LEKR1: variants seen among roughly 807,000 people sequenced by gnomAD.
LEKR1 encodes the protein leucine, glutamate and lysine rich 1, also known as protein LEKR1.
In LEKR1, 59 loss-of-function variants were observed where a neutral mutation model predicts 72.4. That is an observed-to-expected ratio of 0.82 (90% CI 0.66 to 1.01). The LOEUF is 1.01. Among genes scored for constraint, LEKR1 ranks in the 50% least tolerant of loss-of-function variants. The pLI is 0.00. For synonymous variants in LEKR1, 257 were observed against 263.2 expected (o/e 0.98, Z 0.23); for missense variants, 728 against 759.2 (o/e 0.96, Z 0.48).
At chr3:156,874,572 A>G (rs780864681) in intron 3 of LEKR1, among the ~76,000 whole-genome samples, 1 of 151,950 alleles carries the variant, frequency 6.6e-6, no homozygotes. Context: ...TTGGAGCACA[A>G]GTGGTTTTTT....
At chr3:156,847,290 T>C (rs928338055) in intron 2 of LEKR1, among the ~76,000 whole-genome samples, 6 of 152,242 alleles carry the variant, frequency 3.9e-5, no homozygotes, top group African/African-American at 1.4e-4. Context: ...GAACACTGCA[T>C]TTGAGAAGTT....
intron 3 of LEKR1, among the ~76,000 whole-genome samples, chr3:156,913,853 T>C (rs892597834): frequency 6.6e-6 from 1 of 152,210 alleles, no homozygotes; most frequent in African/African-American, 2.4e-5. Context: ...ACACAGAAGC[T>C]TATAGGCAGC....
intron 6 of LEKR1, among the ~76,000 whole-genome samples, chr3:156,954,665 G>A (rs1727458808): frequency 6.6e-6 from 1 of 152,056 alleles, no homozygotes; most frequent in Non-Finnish European, 1.5e-5. Context: ...ATCAGAGGTT[G>A]TAGGTGTGCT....
chr3:156,956,107 G>C (rs2107979929), intron 6 of LEKR1, among the ~76,000 whole-genome samples: 1 of 152,014 alleles, frequency 6.6e-6, no homozygotes, highest in East Asian at 1.9e-4. Context: ...ATATCTAAGA[G>C]GGTGGAAGAA....
At chr3:156,934,749 A>G (rs1725543962) in intron 5 of LEKR1, among the ~76,000 whole-genome samples, 1 of 152,186 alleles carries the variant, frequency 6.6e-6, no homozygotes, top group African/African-American at 2.4e-5. Context: ...ATCATGACAC[A>G]GAGATAACTG....
intron 6 of LEKR1, among the ~76,000 whole-genome samples, chr3:156,969,368 C>A (rs967431576): frequency 3.3e-5 from 5 of 152,026 alleles, no homozygotes; most frequent in Non-Finnish European, 5.9e-5. Flanking sequence ...AATTGATAGA[C>A]CCCTAGCAAG....
At chr3:156,936,156 G>T (rs1436127046) in intron 5 of LEKR1, among the ~76,000 whole-genome samples, 6 of 151,938 alleles carry the variant, frequency 3.9e-5, no homozygotes, top group Admixed American at 3.9e-4. Flanking sequence ...TAGAACTCTT[G>T]GCAGAAATCA....
At chr3:156,849,705 A>G (rs1169057276) in intron 2 of LEKR1, among the ~76,000 whole-genome samples, 1 of 152,242 alleles carries the variant, frequency 6.6e-6, no homozygotes, top group Non-Finnish European at 1.5e-5. Flanking sequence ...GGCCAGCCAT[A>G]TGTAGAAAGC....
At chr3:156,984,820 A>G (rs1730535969) in intron 7 of LEKR1, among the ~76,000 whole-genome samples, 1 of 152,004 alleles carries the variant, frequency 6.6e-6, no homozygotes, top group Admixed American at 6.6e-5. Context: ...TTTAACTGAT[A>G]ATTTGAACAA....
chr3:156,884,196 G>C (rs1404817490), intron 3 of LEKR1, among the ~76,000 whole-genome samples: 1 of 152,184 alleles, frequency 6.6e-6, no homozygotes, highest in Non-Finnish European at 1.5e-5. Context: ...GAAGACAGCA[G>C]ATACTTGGTT....
intron 10 of LEKR1, among the ~76,000 whole-genome samples, chr3:157,015,326 T>C (rs1489955680): frequency 6.6e-6 from 1 of 152,102 alleles, no homozygotes; most frequent in Non-Finnish European, 1.5e-5. Context: ...AATGTGTACA[T>C]GTGGGAAAAT....
intron 3 of LEKR1, among the ~76,000 whole-genome samples, chr3:156,860,823 A>G (rs1202305886): frequency 6.6e-6 from 1 of 152,286 alleles, no homozygotes; most frequent in East Asian, 1.9e-4. Flanking sequence ...CAGGAACTCA[A>G]TCCCTTTCTA....
chr3:157,024,415 C>T (rs539378844), intron 10 of LEKR1, among the ~76,000 whole-genome samples: 1 of 152,292 alleles, frequency 6.6e-6, no homozygotes, highest in African/African-American at 2.4e-5. Flanking sequence ...CCCTCAAAAT[C>T]TGCTTAAAAA....
At chr3:156,881,857 A>G (rs1381336178) in intron 3 of LEKR1, among the ~76,000 whole-genome samples, 2 of 143,380 alleles carry the variant, frequency 1.4e-5, no homozygotes, top group African/African-American at 5.2e-5. Context: ...CATATCTACA[A>G]CTATCTGATC....
intron 6 of LEKR1, among the ~76,000 whole-genome samples, chr3:156,955,958 TA>T (rs34940582): frequency 0.74 from 108,874 of 147,288 alleles, 40,064 homozygotes; most frequent in South Asian, 0.84. Flanking sequence ...GTAGAATAGT[TA>T]AAAAAAAAAA....
intron 9 of LEKR1, among the ~76,000 whole-genome samples, chr3:157,008,014 G>A (rs976283345): frequency 3.9e-5 from 6 of 152,210 alleles, no homozygotes; most frequent in African/African-American, 1.4e-4. Context: ...ATATTTGGAA[G>A]AAAGCCCTGA....
intron 3 of LEKR1, among the ~76,000 whole-genome samples, chr3:156,879,587 G>A (rs1471048798): frequency 1.3e-5 from 2 of 152,190 alleles, no homozygotes; most frequent in Non-Finnish European, 2.9e-5. Flanking sequence ...TAAGTAATGA[G>A]GAGCCAAATG....
chr3:157,043,476 G>A (rs1212849713), intron 12 of LEKR1, among the ~76,000 whole-genome samples: 3 of 150,886 alleles, frequency 2.0e-5, no homozygotes, highest in Non-Finnish European at 4.4e-5. Flanking sequence ...TCAGTGTCCT[G>A]GGAACAAAAT....
At chr3:156,973,090 G>A (rs1032117978) in intron 6 of LEKR1, among the ~76,000 whole-genome samples, 1 of 151,752 alleles carries the variant, frequency 6.6e-6, no homozygotes, top group East Asian at 1.9e-4. Context: ...ACTATTTTTT[G>A]TTTCATGTAC....
Sources: allele counts gnomAD v4.1 joint callset (sites outside exome capture counted in the v4.1 genomes callset), GRCh38; gene constraint gnomAD v4.1.1; transcripts MANE v1.5; gene names NCBI Gene and HGNC (gene_info 2026-07-23, HGNC 2026-07-21).